Variants in L2HGDH observed in about 807,000 individuals in gnomAD.
L2HGDH encodes L-2-hydroxyglutarate dehydrogenase.
A neutral mutation model predicts 51.5 loss-of-function variants in L2HGDH; 34 were observed. That is an observed-to-expected ratio of 0.66 (90% CI 0.50 to 0.88). The LOEUF (loss-of-function observed/expected upper bound fraction) is 0.88, where lower values mean the gene tolerates loss of function less well. Among genes scored for constraint, L2HGDH ranks in the 40% least tolerant of loss-of-function variants. L2HGDH has a pLI of 0.00. For missense variants in L2HGDH, 558 were observed against 571.9 expected, an observed-to-expected ratio of 0.98 and a Z score of 0.25; for synonymous variants, 198 against 197.9, an observed-to-expected ratio of 1.00 and a Z score of -0.01.
intron 4 of L2HGDH, among the ~76,000 whole-genome samples, chr14:50,291,900 G>T (rs916696514): frequency 4.0e-5 from 6 of 151,670 alleles, no homozygotes; most frequent in Non-Finnish European, 7.4e-5. Context: ...AAAATGTCTG[G>T]GTATAAAAAG....
At chr14:50,259,985 C>G (rs200725695) in intron 9 of L2HGDH, among the ~76,000 whole-genome samples, 2 of 142,368 alleles carry the variant, frequency 1.4e-5, no homozygotes, top group South Asian at 2.2e-4. Flanking sequence ...GAGAAGAAGA[C>G]AGAGAGAGAG....
intron 6 of L2HGDH, among the ~76,000 whole-genome samples, chr14:50,273,515 T>A (rs1365142055): frequency 6.6e-6 from 1 of 152,098 alleles, no homozygotes; most frequent in Non-Finnish European, 1.5e-5. Context: ...CTAAGACTCC[T>A]GGAAGAAAAC....
At chr14:50,290,820 C>T (rs576002220) in intron 4 of L2HGDH, among the ~76,000 whole-genome samples, 20 of 152,164 alleles carry the variant, frequency 1.3e-4, no homozygotes, top group South Asian at 2.1e-4. Context: ...CACGCCACCA[C>T]GCCTGGCTGA....
intron 3 of L2HGDH, among the ~76,000 whole-genome samples, chr14:50,297,984 G>A (rs1017698125): frequency 1.3e-5 from 2 of 152,014 alleles, no homozygotes; most frequent in African/African-American, 2.4e-5. Flanking sequence ...TGGGCATGGT[G>A]GCTCATGCCT....
chr14:50,250,656 G>A (rs1888292672), intron 9 of L2HGDH, among the ~76,000 whole-genome samples: 1 of 152,206 alleles, frequency 6.6e-6, no homozygotes, highest in Admixed American at 6.5e-5. Flanking sequence ...GTGGCCACAG[G>A]AGTGCTTGCA....
chr14:50,259,224 A>T (rs981171314), intron 9 of L2HGDH, among the ~76,000 whole-genome samples: 7 of 151,380 alleles, frequency 4.6e-5, no homozygotes, highest in Non-Finnish European at 8.8e-5. Context: ...CAATCCTCCT[A>T]CCTCAGCCTC....
chr14:50,300,383 C>T (rs1438904442), intron 3 of L2HGDH, among the ~76,000 whole-genome samples: 1 of 152,150 alleles, frequency 6.6e-6, no homozygotes, highest in African/African-American at 2.4e-5. Context: ...CAACCTCTGC[C>T]TCCCAGGGTC....
At chr14:50,297,098 G>T (rs1464722571) in intron 3 of L2HGDH, among the ~76,000 whole-genome samples, 7 of 152,024 alleles carry the variant, frequency 4.6e-5, no homozygotes, top group Admixed American at 6.6e-5. Flanking sequence ...AACAAACTAG[G>T]AATAGAAAGG....
intron 4 of L2HGDH, 113 bp from the exon 5 acceptor site, chr14:50,284,146 C>T (rs1252475866): frequency 9.0e-5 from 82 of 913,058 alleles, no homozygotes; most frequent in South Asian, 4.3e-4. Flanking sequence ...TTTTGCCAAG[C>T]TTTTCTTGCT....
At chr14:50,311,825 G>A (rs1312449323) in intron 1 of L2HGDH, among the ~76,000 whole-genome samples, 186 bp downstream of exon 1, 1 of 152,152 alleles carries the variant, frequency 6.6e-6, no homozygotes, top group Non-Finnish European at 1.5e-5. Flanking sequence ...CCTTTCCTCC[G>A]GCCCGTAAAT....
chr14:50,265,387 G>T lies in L2HGDH; in HGVS notation c.1167C>A (p.Ile389=). Residue 389 remains isoleucine, a synonymous_variant, in exon 9 of 10, where the codon ATC becomes ATA. Coordinates refer to ENST00000267436, the MANE Select transcript of L2HGDH (RefSeq NM_024884.3). ...GTATATCACTGATAGTAATTTCAGG[G>T]ATGAATTTTTGAAGATACTTCACTG... ...GATVKYLQKF[I]PEITISDILR... 6.2e-7 allele frequency: 1 copy of T among 1,611,580 alleles called. No homozygotes were observed. Among genetic ancestry groups the T allele is most frequent in the Non-Finnish European group, 8.5e-7 (1 of 1,177,888 alleles).
At chr14:50,272,018 G>A (rs1282707510) in intron 6 of L2HGDH, among the ~76,000 whole-genome samples, 9 of 152,166 alleles carry the variant, frequency 5.9e-5, no homozygotes, top group Non-Finnish European at 1.2e-4. Context: ...AGACACACCT[G>A]TAATCCCAGC....
chr14:50,286,320 G>A (rs748094192), intron 4 of L2HGDH, among the ~76,000 whole-genome samples: 5 of 152,158 alleles, frequency 3.3e-5, no homozygotes, highest in South Asian at 2.1e-4. Context: ...TGGGCATACC[G>A]CTTATGGGGT....
intron 7 of L2HGDH, among the ~76,000 whole-genome samples, 176 bp downstream of exon 7, chr14:50,268,987 C>A (rs577004187): frequency 1.1e-4 from 16 of 152,172 alleles, no homozygotes; most frequent in East Asian, 5.8e-4. Flanking sequence ...AATTTAATAA[C>A]CATGATACAG....
intron 9 of L2HGDH, among the ~76,000 whole-genome samples, chr14:50,262,298 C>T (rs1889073970): frequency 6.6e-6 from 1 of 151,900 alleles, no homozygotes; most frequent in African/African-American, 2.4e-5. Flanking sequence ...GGCATGGTGG[C>T]ACGTGCCTGT....
chr14:50,263,774 CTTT>C (rs11458897), intron 9 of L2HGDH, among the ~76,000 whole-genome samples: 6 of 137,248 alleles, frequency 4.4e-5, no homozygotes, highest in Non-Finnish European at 4.7e-5. Context: ...AGCCTTTTAT[CTTT>C]TTTTTTTTTT....
At chr14:50,295,468 C>G (rs1388889611) in intron 3 of L2HGDH, among the ~76,000 whole-genome samples, 3 of 151,882 alleles carry the variant, frequency 2.0e-5, no homozygotes, top group Non-Finnish European at 4.4e-5. Flanking sequence ...GTGCAGTGGC[C>G]CAGTCATGAC....
chr14:50,260,195 A>G (rs1262892554), intron 9 of L2HGDH, among the ~76,000 whole-genome samples: 1 of 151,470 alleles, frequency 6.6e-6, no homozygotes, highest in African/African-American at 2.4e-5. Flanking sequence ...GTTCCTTAAT[A>G]CTTCCCAGTG....
intron 1 of L2HGDH, 23 bp downstream of exon 1, chr14:50,311,988 G>C: frequency 6.4e-7 from 1 of 1,550,574 alleles, no homozygotes; most frequent in Non-Finnish European, 8.7e-7. Flanking sequence ...CGCAGGCGGC[G>C]GGGAGGACCA....
Sources: allele counts gnomAD v4.1 joint callset (sites outside exome capture counted in the v4.1 genomes callset), GRCh38; gene constraint gnomAD v4.1.1; transcripts MANE v1.5; gene names NCBI Gene and HGNC (gene_info 2026-07-23, HGNC 2026-07-21).